The following PDZRN4 variants were observed in gnomAD, a reference collection of about 807,000 sequenced individuals.
The protein encoded by PDZRN4 is PDZ domain containing ring finger 4, also known as PDZ domain-containing RING finger protein 4.
A neutral mutation model predicts 99.0 loss-of-function variants in PDZRN4; 70 were observed. The ratio of observed to expected loss-of-function variants is 0.71; its 90% CI spans 0.58 to 0.86. The LOEUF is 0.86. Ranked by LOEUF, PDZRN4 falls within the 40% of genes least tolerant of loss-of-function variation. PDZRN4 has a pLI of 0.00. For missense variants in PDZRN4, 1,474 were observed against 1,331.2 expected, an observed-to-expected ratio of 1.11 and a Z score of -1.67; for synonymous variants, 551 against 501.6, an observed-to-expected ratio of 1.10 and a Z score of -1.32.
chr12:41,252,877 T>C (rs909473258), intron 3 of PDZRN4, among the ~76,000 whole-genome samples: 1 of 152,192 alleles, frequency 6.6e-6, no homozygotes, highest in Non-Finnish European at 1.5e-5. Flanking sequence ...GATCTTGAAT[T>C]GTAGTGGTGG....
intron 3 of PDZRN4, among the ~76,000 whole-genome samples, chr12:41,323,022 G>C (rs1470466990): frequency 6.6e-6 from 1 of 152,164 alleles, no homozygotes; most frequent in African/African-American, 2.4e-5. Flanking sequence ...ATCCAGTAAA[G>C]AAATGTGTTT....
At chr12:41,250,761 A>G (rs1325694106) in intron 3 of PDZRN4, among the ~76,000 whole-genome samples, 1 of 152,202 alleles carries the variant, frequency 6.6e-6, no homozygotes, top group Non-Finnish European at 1.5e-5. Context: ...GACACGGTGG[A>G]GAAAGACTAG....
chr12:41,283,966 C>T (rs1182576136), intron 3 of PDZRN4, among the ~76,000 whole-genome samples: 2 of 152,200 alleles, frequency 1.3e-5, no homozygotes, highest in African/African-American at 4.8e-5. Context: ...AGGATGCCCT[C>T]TCTCACCACT....
intron 3 of PDZRN4, among the ~76,000 whole-genome samples, chr12:41,242,705 C>T (rs1028320857): frequency 6.6e-6 from 1 of 152,108 alleles, no homozygotes; most frequent in Admixed American, 6.5e-5. Flanking sequence ...AGGCTGGCTT[C>T]GATTTTTTTC....
chr12:41,548,176 G>T (rs1938990641), intron 5 of PDZRN4, among the ~76,000 whole-genome samples: 1 of 152,146 alleles, frequency 6.6e-6, no homozygotes, highest in Admixed American at 6.6e-5. Context: ...TTGTCAGAGG[G>T]ATTTGATATT....
chr12:41,284,701 C>T (rs1007262586), intron 3 of PDZRN4, among the ~76,000 whole-genome samples: 15 of 152,216 alleles, frequency 9.9e-5, no homozygotes, highest in African/African-American at 3.6e-4. Flanking sequence ...AGAAATAATG[C>T]CACACACCTA....
chr12:41,427,513 C>T (rs1952547200), intron 3 of PDZRN4, among the ~76,000 whole-genome samples: 1 of 152,080 alleles, frequency 6.6e-6, no homozygotes, highest in South Asian at 2.1e-4. Context: ...GAGTGAGGCT[C>T]AAATATACTT....
chr12:41,541,767 T>C lies in PDZRN4; in HGVS notation c.1204-10889T>C, dbSNP rs552627522. 3.3e-5 allele frequency among the ~76,000 whole-genome samples: 5 copies of C among 152,308 alleles called. No homozygotes were observed. In the East Asian group the frequency reaches 9.7e-4, roughly 29 times the overall value. On this transcript the variant is annotated intron_variant, in intron 5 of 9. Coordinates refer to ENST00000402685, the MANE Select transcript of PDZRN4 (RefSeq NM_001164595.2). The stretch of plus-strand genomic sequence containing the variant: ...CACGCCCGGCCCTTCTAGACCTATT[T>C]TTAAAAATTCCCTTGAAGGCACTCT...
At chr12:41,530,227 C>T (rs749213797) in intron 5 of PDZRN4, among the ~76,000 whole-genome samples, 6 of 152,204 alleles carry the variant, frequency 3.9e-5, no homozygotes, top group Non-Finnish European at 4.4e-5. Context: ...CATGACATTG[C>T]AGTTCTGTGC....
intron 3 of PDZRN4, among the ~76,000 whole-genome samples, chr12:41,344,885 T>C (rs1951842615): frequency 6.6e-6 from 1 of 151,790 alleles, no homozygotes; most frequent in Admixed American, 6.6e-5. Flanking sequence ...GAAAAAACTG[T>C]ACTGAAATGT....
intron 5 of PDZRN4, among the ~76,000 whole-genome samples, chr12:41,533,400 C>T (rs996343034): frequency 6.6e-6 from 1 of 152,146 alleles, no homozygotes; most frequent in Admixed American, 6.5e-5. Context: ...GTCTTGAACT[C>T]CTGACCTTGT....
chr12:41,570,962 T>C (rs1592118057), intron 9 of PDZRN4, among the ~76,000 whole-genome samples: 1 of 151,774 alleles, frequency 6.6e-6, no homozygotes, highest in Non-Finnish European at 1.5e-5. Flanking sequence ...TTACTTTTTA[T>C]CCTGCCACTA....
intron 4 of PDZRN4, 70 bp downstream of exon 4, chr12:41,506,782 A>C: frequency 6.6e-7 from 1 of 1,511,492 alleles, no homozygotes; most frequent in Non-Finnish European, 8.9e-7. Flanking sequence ...TGTTGAAAAG[A>C]AGCAGTTCCA....
chr12:41,393,496 C>A, intron 3 of PDZRN4, among the ~76,000 whole-genome samples: 1 of 114,410 alleles, frequency 8.7e-6, no homozygotes. Context: ...GATCTAGAAA[C>A]CCTTCTAAAA....
chr12:41,396,263 C>G (rs1870287), intron 3 of PDZRN4, among the ~76,000 whole-genome samples: 1 of 151,772 alleles, frequency 6.6e-6, no homozygotes, highest in African/African-American at 2.4e-5. Context: ...TACCTTACTT[C>G]CCTGAAAATT....
chr12:41,241,243 G>A (rs1270641612), intron 3 of PDZRN4, among the ~76,000 whole-genome samples: 2 of 152,058 alleles, frequency 1.3e-5, no homozygotes, highest in Non-Finnish European at 2.9e-5. Flanking sequence ...GTGCTCACAA[G>A]GTTTCAAATT....
chr12:41,497,913 G>A (rs1217097186), intron 3 of PDZRN4, among the ~76,000 whole-genome samples: 4 of 151,924 alleles, frequency 2.6e-5, no homozygotes, highest in Non-Finnish European at 5.9e-5. Flanking sequence ...ATAATTATTT[G>A]TGAACTCTAA....
chr12:41,537,683 G>A (rs1438352316), intron 5 of PDZRN4, among the ~76,000 whole-genome samples: 1 of 152,150 alleles, frequency 6.6e-6, no homozygotes, highest in Non-Finnish European at 1.5e-5. Context: ...TCATCAGGCA[G>A]TAATGTACCA....
At chr12:41,304,139 T>A (rs192743943) in intron 3 of PDZRN4, among the ~76,000 whole-genome samples, 1 of 152,212 alleles carries the variant, frequency 6.6e-6, no homozygotes, top group Non-Finnish European at 1.5e-5. Flanking sequence ...TGCATTCTGG[T>A]GGCATATAGT....
Sources: allele counts gnomAD v4.1 joint callset (sites outside exome capture counted in the v4.1 genomes callset), GRCh38; gene constraint gnomAD v4.1.1; transcripts MANE v1.5; gene names NCBI Gene and HGNC (gene_info 2026-07-23, HGNC 2026-07-21).